The following WDSUB1 variants were observed in gnomAD, a reference collection of about 807,000 sequenced individuals.
The protein encoded by WDSUB1 is WD repeat, sterile alpha motif and U-box domain containing 1.
WDSUB1 carries 49 observed loss-of-function variants against 53.9 expected under a neutral mutation model. That is an observed-to-expected ratio of 0.91 (90% CI 0.72 to 1.15). WDSUB1 has a LOEUF of 1.15. Among genes scored for constraint, WDSUB1 ranks in the 50% most tolerant of loss-of-function variants. The pLI is 0.00. For synonymous variants in WDSUB1, 194 were observed against 200.6 expected (o/e 0.97, Z 0.28); for missense variants, 514 against 562.0 (o/e 0.91, Z 0.86).
chr2:159,263,447 AGATT>A (rs2061268427), intron 5 of WDSUB1, among the ~76,000 whole-genome samples: 1 of 152,260 alleles, frequency 6.6e-6, no homozygotes, highest in South Asian at 2.1e-4. Context: ...AGATTAATAT[AGATT>A]AATATCAAAA....
chr2:159,237,922 A>C (rs1334987127), intron 10 of WDSUB1, among the ~76,000 whole-genome samples: 1 of 152,282 alleles, frequency 6.6e-6, no homozygotes, highest in Non-Finnish European at 1.5e-5. Context: ...TTGCTAAAGC[A>C]GCATATATAA....
At chr2:159,249,669 G>A (rs988179476) in intron 9 of WDSUB1, among the ~76,000 whole-genome samples, 3 of 152,076 alleles carry the variant, frequency 2.0e-5, no homozygotes, top group African/African-American at 7.2e-5. Flanking sequence ...CTTGCCTCTT[G>A]GGGGCTATTT....
rs201919586 is a variant in WDSUB1 at position 159,246,963 on chromosome 2, G to GT, written c.1273+1408dup. Among the ~76,000 whole-genome samples, 584 of 151,978 alleles carry GT rather than the reference G, an allele frequency of 3.8e-3. 6 individuals carry two copies. Among genetic ancestry groups the GT allele is most frequent in the African/African-American group, 0.013 (541 of 41,470 alleles). ...TGAGACCTGTCTATGGTCACGTGTG[G>GT]TTTTTTTTGTAGAAAAAAAGCACAC... On this transcript the variant is annotated intron_variant, in intron 10 of 10. Transcript: ENST00000359774.
At chr2:159,265,878 G>A (rs186766046) in intron 5 of WDSUB1, among the ~76,000 whole-genome samples, 4 of 152,194 alleles carry the variant, frequency 2.6e-5, no homozygotes, top group Non-Finnish European at 4.4e-5. Context: ...AACCTCTTGC[G>A]TATTTTGCTA....
intron 2 of WDSUB1, among the ~76,000 whole-genome samples, chr2:159,281,234 C>T (rs541820485): frequency 2.0e-5 from 3 of 151,968 alleles, no homozygotes; most frequent in African/African-American, 7.3e-5. Context: ...AAAGTGTTAG[C>T]GTGAAAATTT....
At chr2:159,255,264 A>G (rs934236893) in intron 9 of WDSUB1, among the ~76,000 whole-genome samples, 3 of 152,058 alleles carry the variant, frequency 2.0e-5, no homozygotes, top group Non-Finnish European at 2.9e-5. Context: ...TCAGGAGATC[A>G]AGACCATCCT....
At chr2:159,274,443 A>C (rs2061500221) in intron 4 of WDSUB1, among the ~76,000 whole-genome samples, 1 of 152,224 alleles carries the variant, frequency 6.6e-6, no homozygotes, top group Non-Finnish European at 1.5e-5. Context: ...AGGAAAAAGG[A>C]AAATTAGAAT....
At chr2:159,252,018 G>A (rs543967084) in intron 9 of WDSUB1, among the ~76,000 whole-genome samples, 18 of 152,204 alleles carry the variant, frequency 1.2e-4, no homozygotes, top group African/African-American at 2.4e-4. Flanking sequence ...ACGAGAGCCT[G>A]GAATTGAACA....
intron 4 of WDSUB1, among the ~76,000 whole-genome samples, chr2:159,275,297 G>T (rs1278251233): frequency 1.3e-5 from 2 of 152,202 alleles, no homozygotes; most frequent in Non-Finnish European, 2.9e-5. Context: ...AACCACAAAG[G>T]AGTTGAAATC....
rs757712542 is a variant in WDSUB1 at position 159,282,967 on chromosome 2, G to A, written c.103C>T (p.Arg35Cys). 7 of 1,614,058 alleles carry A rather than the reference G, an allele frequency of 4.3e-6. No individual in the cohort carries two copies. Among genetic ancestry groups the A allele is most frequent in the Admixed American group, 1.7e-5 (1 of 59,988 alleles). ...LATCSLDKTI[R>C]LYSLRDFTEL... ...GTAAAGTCACGTAACGAGTACAGGC[G>A]AATTGTTTTGTCCAAGGAGCAAGTA... is the stretch of plus-strand genomic sequence containing the variant. Residue 35 changes from arginine (R) to cysteine (C), a missense_variant, in exon 2 of 11, where the codon CGC (arginine) becomes TGC (cysteine). Transcript: ENST00000359774.
chr2:159,272,382 CTG>C (rs1390460348), intron 4 of WDSUB1, among the ~76,000 whole-genome samples: 1 of 152,180 alleles, frequency 6.6e-6, no homozygotes, highest in Admixed American at 6.5e-5. Context: ...ATGGGGGACT[CTG>C]TGCTCTCCTC....
At position 159,237,602 on chromosome 2, in the gene WDSUB1, C is replaced by T. The variant is rs1055752010; in HGVS notation, c.1274-1412G>A. The stretch of plus-strand genomic sequence containing the variant: ...ACCCTGTCCAATCCTTGTTACCCAC[C>T]CTTCCCATATAAGTAACCATGTGTA... On this transcript the variant is annotated intron_variant, in intron 10 of 10. Coordinates refer to ENST00000359774, the MANE Select transcript of WDSUB1 (RefSeq NM_001128212.3). Among the ~76,000 whole-genome samples the T allele has an allele frequency of 2.6e-5, 4 of 152,122 alleles. No individual in the cohort carries two copies. In the East Asian group the frequency reaches 7.7e-4, roughly 29 times the overall value.
chr2:159,239,435 T>C (rs2060581052), intron 10 of WDSUB1, among the ~76,000 whole-genome samples: 1 of 152,214 alleles, frequency 6.6e-6, no homozygotes, highest in Non-Finnish European at 1.5e-5. Flanking sequence ...GTTTATAGAT[T>C]TTCTATTCTT....
At chr2:159,261,871 TATATATATATATATATATATATATA>T (rs1436457164) in intron 5 of WDSUB1, among the ~76,000 whole-genome samples, 1,277 of 15,742 alleles carry the variant, frequency 0.081, 51 homozygotes, top group East Asian at 0.14. Context: ...TATATATATA[TATATATATATATATATATATATATA>T]TTTTTTTTTT....
rs1377294344 is a variant in WDSUB1 at position 159,279,614 on chromosome 2, A to G, written c.583+147T>C. 3 of 599,092 alleles carry G rather than the reference A, an allele frequency of 5.0e-6. No homozygotes were observed. In the African/African-American group the frequency reaches 5.8e-5, roughly 12 times the overall value. 37.1% of individuals were successfully genotyped at this position (599,092 alleles called of 1,614,324 possible). ...GATTTCATTTTTGGTCAAAAAAGAGAGAAGGATAATCCCTTTACAGGAATA... is the reference window on the plus strand; with the variant it reads ...GATTTCATTTTTGGTCAAAAAAGAGGGAAGGATAATCCCTTTACAGGAATA... On this transcript the variant is annotated intron_variant, in intron 3 of 10. Coordinates refer to ENST00000359774, the MANE Select transcript of WDSUB1 (RefSeq NM_001128212.3).
chr2:159,259,041 T>G (rs1424485426), intron 6 of WDSUB1, among the ~76,000 whole-genome samples: 1 of 151,938 alleles, frequency 6.6e-6, no homozygotes, highest in East Asian at 1.9e-4. Context: ...ACTTTATTTT[T>G]GAGACAGGGT....
At chr2:159,272,179 C>T (rs1262582802) in intron 4 of WDSUB1, among the ~76,000 whole-genome samples, 1 of 152,156 alleles carries the variant, frequency 6.6e-6, no homozygotes, top group Non-Finnish European at 1.5e-5. Flanking sequence ...TCACGTCAAA[C>T]AGAAGTTACA....
At chr2:159,267,001 G>A (rs2061359655) in intron 5 of WDSUB1, among the ~76,000 whole-genome samples, 1 of 151,306 alleles carries the variant, frequency 6.6e-6, no homozygotes, top group African/African-American at 2.4e-5. Flanking sequence ...TCAAACTCCT[G>A]GGCGCAAGTG....
chr2:159,237,397 T>C (rs1348659724), intron 10 of WDSUB1, among the ~76,000 whole-genome samples: 2 of 152,104 alleles, frequency 1.3e-5, no homozygotes, highest in Non-Finnish European at 2.9e-5. Flanking sequence ...GGCAGGTGCC[T>C]GTAATTCCAG....
Sources: allele counts gnomAD v4.1 joint callset (sites outside exome capture counted in the v4.1 genomes callset), GRCh38; gene constraint gnomAD v4.1.1; transcripts MANE v1.5; gene names NCBI Gene and HGNC (gene_info 2026-07-23, HGNC 2026-07-21).